The following ROBO2 variants were observed in gnomAD, a reference collection of about 807,000 sequenced individuals.
The protein encoded by ROBO2 is roundabout guidance receptor 2.
A neutral mutation model predicts 160.8 loss-of-function variants in ROBO2; 53 were observed. That is an observed-to-expected ratio of 0.33 (90% confidence interval 0.26 to 0.41). The LOEUF is 0.41. ROBO2 is among the 10% of genes least tolerant of loss of function. ROBO2 has a pLI of 1.00. For missense variants in ROBO2, 1,577 were observed against 1,722.4 expected (o/e 0.92, Z 1.49); for synonymous variants, 664 against 611.7 (o/e 1.09, Z -1.26).
At chr3:77,496,113 T>G (rs2086745935) in intron 5 of ROBO2, among the ~76,000 whole-genome samples, 1 of 152,238 alleles carries the variant, frequency 6.6e-6, no homozygotes, top group African/African-American at 2.4e-5. Flanking sequence ...TTATTTTCAC[T>G]AACTTCCTTT....
intron 2 of ROBO2, among the ~76,000 whole-genome samples, chr3:75,958,253 T>A (rs978344410): frequency 6.6e-6 from 1 of 151,822 alleles, no homozygotes; most frequent in Non-Finnish European, 1.5e-5. Flanking sequence ...ACATACAATA[T>A]GCTCAGATAA....
intron 2 of ROBO2, among the ~76,000 whole-genome samples, chr3:76,182,928 C>T (rs1297883196): frequency 6.6e-6 from 1 of 152,090 alleles, no homozygotes; most frequent in East Asian, 1.9e-4. Flanking sequence ...TAACAAATTT[C>T]CTTGAAACTC....
chr3:77,065,794 T>C (rs2066778995), intron 1 of ROBO2, among the ~76,000 whole-genome samples: 2 of 152,162 alleles, frequency 1.3e-5, no homozygotes, highest in Admixed American at 6.6e-5. Context: ...TATTATGGGA[T>C]ATACAAATGA....
At chr3:76,200,858 G>C (rs1702489861) in intron 2 of ROBO2, among the ~76,000 whole-genome samples, 1 of 150,892 alleles carries the variant, frequency 6.6e-6, no homozygotes, top group Non-Finnish European at 1.5e-5. Flanking sequence ...CTTGGAGCCA[G>C]CTCACACGTT....
intron 2 of ROBO2, among the ~76,000 whole-genome samples, chr3:77,167,481 C>A (rs2079201302): frequency 6.6e-6 from 1 of 152,090 alleles, no homozygotes; most frequent in Non-Finnish European, 1.5e-5. Context: ...CTGTTGCATC[C>A]TTTATAGCCT....
At chr3:76,153,860 A>T (rs936390281) in intron 2 of ROBO2, among the ~76,000 whole-genome samples, 2 of 152,260 alleles carry the variant, frequency 1.3e-5, no homozygotes, top group South Asian at 2.1e-4. Flanking sequence ...ACATCTTGTC[A>T]TCAAGAACCA....
At chr3:76,123,038 T>C (rs1903735) in intron 2 of ROBO2, among the ~76,000 whole-genome samples, 1,560 of 152,202 alleles carry the variant, frequency 0.01, 16 homozygotes, top group African/African-American at 0.014. Context: ...TGAGCCACCG[T>C]GCCCGACCTG....
intron 2 of ROBO2, among the ~76,000 whole-genome samples, chr3:76,068,148 T>C (rs935486225): frequency 5.3e-5 from 8 of 152,144 alleles, no homozygotes; most frequent in African/African-American, 1.7e-4. Flanking sequence ...CCATGCAGGA[T>C]AGCCTAGTTG....
intron 2 of ROBO2, among the ~76,000 whole-genome samples, chr3:76,570,060 A>G (rs1272056293): frequency 6.6e-6 from 1 of 152,170 alleles, no homozygotes; most frequent in Non-Finnish European, 1.5e-5. Context: ...GCTTGAGCCC[A>G]GGAGATCGAG....
At chr3:77,529,738 T>C (rs969837828) in intron 6 of ROBO2, among the ~76,000 whole-genome samples, 2 of 151,930 alleles carry the variant, frequency 1.3e-5, no homozygotes, top group African/African-American at 4.8e-5. Context: ...GAATAGCTTC[T>C]TGACACATTG....
chr3:77,503,225 A>T (rs189240453), intron 5 of ROBO2, among the ~76,000 whole-genome samples: 52 of 151,706 alleles, frequency 3.4e-4, no homozygotes, highest in African/African-American at 1.0e-3. Flanking sequence ...TAAATTAAAA[A>T]AATAATAATA....
At chr3:76,410,867 A>C (rs1334687337) in intron 2 of ROBO2, among the ~76,000 whole-genome samples, 1 of 152,168 alleles carries the variant, frequency 6.6e-6, no homozygotes, top group Non-Finnish European at 1.5e-5. Context: ...TGTTTCAGGG[A>C]AATCATATTT....
Position 76,925,210 on chromosome 3 carries a change from C to CAAAA in ROBO2, c.110-172786_110-172783dup, listed in dbSNP as rs147022230. On this transcript the variant is annotated intron_variant, in intron 2 of 26. Coordinates refer to the ROBO2 transcript ENST00000487694. Reference sequence around the variant, plus strand: ...TGGGCGACAGAGCGAGACTCCGTCTCAAAAAAAAAAAAAAAAAAAAATCTG... The same window carrying CAAAA: ...TGGGCGACAGAGCGAGACTCCGTCTCAAAAAAAAAAAAAAAAAAAAAAAAATCTG... Among the ~76,000 whole-genome samples, 69 of 61,866 alleles carry CAAAA rather than the reference C, an allele frequency of 1.1e-3. 1 individual carries two copies. Among genetic ancestry groups the CAAAA allele is most frequent in the African/African-American group, 3.9e-3 (59 of 15,252 alleles). 40.6% of individuals were successfully genotyped at this position (61,866 alleles called of 152,430 possible). A position where few individuals can be genotyped will look rare whatever the true frequency, so the allele number is the denominator to read the frequency against.
At chr3:76,693,274 C>CTA (rs3041339) in intron 2 of ROBO2, among the ~76,000 whole-genome samples, 70,390 of 147,872 alleles carry the variant, frequency 0.48, 17,267 homozygotes, top group East Asian at 0.76. Context: ...GTCTCTCTCT[C>CTA]TATATATAGT....
intron 2 of ROBO2, among the ~76,000 whole-genome samples, chr3:76,540,721 A>G (rs1036658028): frequency 6.6e-6 from 1 of 152,200 alleles, no homozygotes; most frequent in Non-Finnish European, 1.5e-5. Flanking sequence ...ACAAAGGACC[A>G]TTGGCCTTGA....
intron 2 of ROBO2, among the ~76,000 whole-genome samples, chr3:77,332,419 TG>T (rs1175329211): frequency 6.6e-6 from 1 of 152,172 alleles, no homozygotes; most frequent in African/African-American, 2.4e-5. Context: ...GGTAGTATTA[TG>T]GGGTGTGTGG....
At chr3:76,908,854 A>G (rs1303635680) in intron 2 of ROBO2, among the ~76,000 whole-genome samples, 2 of 152,196 alleles carry the variant, frequency 1.3e-5, no homozygotes, top group Non-Finnish European at 2.9e-5. Context: ...GATTTGGTAC[A>G]TTATATGAAG....
At chr3:76,943,977 T>C (rs2078356799) in intron 2 of ROBO2, among the ~76,000 whole-genome samples, 1 of 152,210 alleles carries the variant, frequency 6.6e-6, no homozygotes, top group African/African-American at 2.4e-5. Context: ...TTCAAAGTTG[T>C]TTATTTTTCT....
chr3:77,200,303 A>T lies in ROBO2; in HGVS notation c.388+101963A>T, dbSNP rs1280290736. Among the ~76,000 whole-genome samples the T allele has an allele frequency of 7.6e-4, 59 of 77,142 alleles. 4 individuals are homozygous for T. The highest frequency in any genetic ancestry group is 3.9e-3 in the African/African-American group (59 of 15,200). 50.6% of individuals were successfully genotyped at this position (77,142 alleles called of 152,430 possible). A position where few individuals can be genotyped will look rare whatever the true frequency, so the allele number is the denominator to read the frequency against. On this transcript the variant is annotated intron_variant, in intron 2 of 25. Coordinates refer to ENST00000461745, the Ensembl canonical transcript of ROBO2. ...TATATATATATATATATATATATATATATATATATATATATATATTTTAGT... is the reference window on the plus strand; with the variant it reads ...TATATATATATATATATATATATATTTATATATATATATATATATTTTAGT...
Sources: gnomAD v4.1 joint callset for allele counts (sites outside exome capture counted in the v4.1 genomes callset) on GRCh38, gnomAD v4.1.1 for gene constraint, MANE v1.5 for transcripts, NCBI Gene and HGNC (gene_info 2026-07-23, HGNC 2026-07-21) for gene names.